The following RERE variants were observed in gnomAD, a reference collection of about 807,000 sequenced individuals.
RERE encodes arginine-glutamic acid dipeptide repeats, also known as arginine-glutamic acid dipeptide repeats protein.
RERE carries 40 observed loss-of-function variants against 146.1 expected under a neutral mutation model. That is an observed-to-expected ratio of 0.27 (90% confidence interval 0.21 to 0.36). The LOEUF (loss-of-function observed/expected upper bound fraction) is 0.36, where lower values mean the gene tolerates loss of function less well. RERE is among the 10% of genes least tolerant of loss of function. RERE has a pLI of 1.00. For missense variants in RERE, 1,933 were observed against 2,138.7 expected (o/e 0.90, Z 1.90); for synonymous variants, 1,003 against 866.0 (o/e 1.16, Z -2.78).
chr1:8,794,200 A>G (rs999479200), intron 1 of RERE, among the ~76,000 whole-genome samples: 2 of 151,134 alleles, frequency 1.3e-5, no homozygotes, highest in African/African-American at 4.9e-5. Flanking sequence ...GATGGAGAAC[A>G]TCCTGGCTAA....
intron 7 of RERE, among the ~76,000 whole-genome samples, chr1:8,520,113 TA>T (rs1645471805): frequency 6.6e-6 from 1 of 152,188 alleles, no homozygotes. Context: ...TTAGTCAACT[TA>T]AAGTTACCAC....
intron 1 of RERE, among the ~76,000 whole-genome samples, chr1:8,665,471 C>T (rs1359616292): frequency 1.3e-5 from 2 of 152,124 alleles, no homozygotes; most frequent in East Asian, 1.9e-4. Context: ...GTAAAGAGGG[C>T]ATTATGATGA....
intron 2 of RERE, among the ~76,000 whole-genome samples, chr1:8,627,798 T>A (rs1479726844): frequency 6.6e-6 from 1 of 152,202 alleles, no homozygotes; most frequent in African/African-American, 2.4e-5. Context: ...AAAGAACCTA[T>A]GTTCTTTCAT....
At chr1:8,598,538 C>T (rs1399383950) in intron 4 of RERE, among the ~76,000 whole-genome samples, 9 of 152,176 alleles carry the variant, frequency 5.9e-5, no homozygotes, top group Admixed American at 5.9e-4. Context: ...TCCCTCACTC[C>T]ACAGCCTCTC....
chr1:8,715,309 C>T (rs1015819446), intron 1 of RERE, among the ~76,000 whole-genome samples: 1 of 151,368 alleles, frequency 6.6e-6, no homozygotes, highest in East Asian at 2.0e-4. Flanking sequence ...GTCAGGAGTT[C>T]GAGACCAGCC....
intron 1 of RERE, among the ~76,000 whole-genome samples, chr1:8,780,562 A>G (rs1641145855): frequency 6.6e-6 from 1 of 152,204 alleles, no homozygotes; most frequent in African/African-American, 2.4e-5. Context: ...ATACCAAAAT[A>G]TCAAGCCCTA....
intron 4 of RERE, among the ~76,000 whole-genome samples, chr1:8,569,883 C>T (rs1646198420): frequency 6.6e-6 from 1 of 151,560 alleles, no homozygotes; most frequent in South Asian, 2.1e-4. Flanking sequence ...CAGAGCTAGA[C>T]CCTGTCTTAA....
At position 8,364,600 on chromosome 1, in the gene RERE, TCTAA is replaced by T. The variant is rs1570050155; in HGVS notation, c.1540+142_1540+145del. On this transcript the variant is annotated intron_variant, in intron 14 of 22. Coordinates refer to ENST00000400908, the MANE Select transcript of RERE (RefSeq NM_001042681.2). This position sits in a 1 kb window ranked among gnomAD's most constrained non-coding sequence, Gnocchi z 5.1. ...AGAGGAGTAAAGTAAACTAAACATT[TCTAA>T]CTTTCTCGAATCCCGAAGCACAATG... is the stretch of plus-strand genomic sequence containing the variant. 1 of 672,674 alleles carries T rather than the reference TCTAA, an allele frequency of 1.5e-6. No homozygotes were observed. Among genetic ancestry groups the T allele is most frequent in the South Asian group, 1.7e-5 (1 of 58,416 alleles). 41.7% of individuals were successfully genotyped at this position (672,674 alleles called of 1,614,324 possible). A position where few individuals can be genotyped will look rare whatever the true frequency, so the allele number is the denominator to read the frequency against.
chr1:8,746,845 G>A (rs1254929736), intron 1 of RERE, among the ~76,000 whole-genome samples: 1 of 148,844 alleles, frequency 6.7e-6, no homozygotes, highest in Non-Finnish European at 1.5e-5. Flanking sequence ...AGGGGAGGGA[G>A]GGGAGAGAGA....
chr1:8,481,024 A>C (rs1188006977), intron 10 of RERE, among the ~76,000 whole-genome samples: 1 of 152,190 alleles, frequency 6.6e-6, no homozygotes, highest in Non-Finnish European at 1.5e-5. Context: ...CCTGCTGAGC[A>C]CCTAGGAAAC....
At chr1:8,715,372 G>C (rs1356535307) in intron 1 of RERE, among the ~76,000 whole-genome samples, 1 of 151,738 alleles carries the variant, frequency 6.6e-6, no homozygotes, top group Non-Finnish European at 1.5e-5. Context: ...TTAGCCAGGC[G>C]TGGTGGCAGG....
chr1:8,603,496 C>CACA (rs146652992), intron 4 of RERE, among the ~76,000 whole-genome samples: 1,688 of 152,330 alleles, frequency 0.011, 30 homozygotes, highest in African/African-American at 0.039. Context: ...CTACTTATTT[C>CACA]ACAACATCAT....
intron 1 of RERE, among the ~76,000 whole-genome samples, chr1:8,718,744 A>G (rs1264757928): frequency 6.6e-6 from 1 of 152,212 alleles, no homozygotes; most frequent in East Asian, 1.9e-4. Flanking sequence ...GGGTTCTCCT[A>G]ATCTAAGATT....
chr1:8,685,188 G>T (rs903877596), intron 1 of RERE, among the ~76,000 whole-genome samples: 2 of 152,148 alleles, frequency 1.3e-5, no homozygotes, highest in African/African-American at 4.8e-5. Flanking sequence ...CTAATTTGAT[G>T]CTTCCATAGA....
intron 12 of RERE, among the ~76,000 whole-genome samples, chr1:8,377,691 T>C (rs919095452): frequency 3.9e-5 from 6 of 152,228 alleles, no homozygotes; most frequent in African/African-American, 1.4e-4. Flanking sequence ...GCAATCTTAT[T>C]ATCCCTGCAC....
chr1:8,652,153 T>C (rs1201005552), intron 2 of RERE, among the ~76,000 whole-genome samples: 1 of 151,952 alleles, frequency 6.6e-6, no homozygotes, highest in Non-Finnish European at 1.5e-5. Context: ...CCTTACCAAA[T>C]AGACATCCAC....
chr1:8,644,933 G>A (rs1340736145), intron 2 of RERE, among the ~76,000 whole-genome samples: 1 of 152,120 alleles, frequency 6.6e-6, no homozygotes, highest in East Asian at 1.9e-4. Context: ...TTCCACACAG[G>A]TTATTTGTTT....
chr1:8,795,685 G>A (rs1359019884), intron 1 of RERE, among the ~76,000 whole-genome samples: 2 of 151,870 alleles, frequency 1.3e-5, no homozygotes, highest in African/African-American at 4.8e-5. Flanking sequence ...GAAGCCAGAA[G>A]AAACAGGAAT....
chr1:8,619,239 G>A (rs1234418225), intron 3 of RERE, among the ~76,000 whole-genome samples: 2 of 152,122 alleles, frequency 1.3e-5, no homozygotes, highest in East Asian at 3.9e-4. Context: ...ATGTGGAGCC[G>A]TAACAATATG....
Sources: gnomAD v4.1 joint callset for allele counts (sites outside exome capture counted in the v4.1 genomes callset) on GRCh38, gnomAD v4.1.1 for gene constraint, Gnocchi (gnomAD v3.1) non-coding constraint, MANE v1.5 for transcripts, NCBI Gene and HGNC (gene_info 2026-07-23, HGNC 2026-07-21) for gene names.